The following CACNA2D4 variants were observed in gnomAD, a reference collection of about 807,000 sequenced individuals.
The protein encoded by CACNA2D4 is voltage-dependent calcium channel subunit alpha-2/delta-4.
CACNA2D4 carries 157 observed loss-of-function variants against 163.8 expected under a neutral mutation model. That is an observed-to-expected ratio of 0.96 (90% CI 0.84 to 1.09). CACNA2D4 has a LOEUF of 1.09. CACNA2D4 is among the 50% of genes least tolerant of loss of function. The pLI is 0.00. For missense variants in CACNA2D4, 1,410 were observed against 1,479.9 expected (o/e 0.95, Z 0.78); for synonymous variants, 598 against 586.9 (o/e 1.02, Z -0.27).
chr12:1,871,904 C>T (rs1865796538), intron 18 of CACNA2D4, among the ~76,000 whole-genome samples: 1 of 152,184 alleles, frequency 6.6e-6, no homozygotes, highest in Non-Finnish European at 1.5e-5. Flanking sequence ...TGATCAAAAA[C>T]GAGAATGACA....
rs557536876 is a variant in CACNA2D4 at position 1,875,651 on chromosome 12, T to C, written c.1720-314A>G. ...TAGAAAGTTCCTCCTCACACAAAGCTGAAATCCATCTCCCTGTTACTTCCA... is the reference window on the plus strand; with the variant it reads ...TAGAAAGTTCCTCCTCACACAAAGCCGAAATCCATCTCCCTGTTACTTCCA... On this transcript the variant is annotated intron_variant, in intron 16 of 37. Transcript: ENST00000382722. The surrounding 1 kb of genome is among the most constrained non-coding windows in gnomAD (Gnocchi z 4.0). 1.1e-4 allele frequency among the ~76,000 whole-genome samples: 16 copies of C among 152,292 alleles called. No homozygotes were observed. The highest frequency in any genetic ancestry group is 3.9e-4 in the African/African-American group (16 of 41,550).
At chr12:1,822,590 CTGTT>C (rs1864150314) in intron 26 of CACNA2D4, among the ~76,000 whole-genome samples, 1 of 152,158 alleles carries the variant, frequency 6.6e-6, no homozygotes, top group African/African-American at 2.4e-5. Flanking sequence ...CCCAGAGGGT[CTGTT>C]TGAGATTGAG....
rs117938259 is a variant in CACNA2D4, at chr12:1,799,207, G to T, written c.2995+468C>A. On this transcript the variant is annotated intron_variant, in intron 34 of 37. Coordinates refer to ENST00000382722, the MANE Select transcript of CACNA2D4 (RefSeq NM_172364.5). The surrounding 1 kb of genome is among the most constrained non-coding windows in gnomAD (Gnocchi z 4.7). ...CGTGTGGCCACAGCCACCGGGCTTT[G>T]TGTTGGGGCCTCTCATGGTTGCTGC... is the stretch of plus-strand genomic sequence containing the variant. Among the ~76,000 whole-genome samples, 352 of 152,326 alleles carry T rather than the reference G, an allele frequency of 2.3e-3. 7 individuals are homozygous for T. The East Asian group carries it at 0.052, about 23-fold the overall frequency.
At chr12:1,855,418 GC>G (rs1316642905) in intron 22 of CACNA2D4, among the ~76,000 whole-genome samples, 1 of 152,178 alleles carries the variant, frequency 6.6e-6, no homozygotes. Context: ...TGAGGATGTG[GC>G]CTAATGAGCT....
intron 18 of CACNA2D4, among the ~76,000 whole-genome samples, chr12:1,864,073 C>T (rs1034845263): frequency 6.6e-6 from 1 of 152,248 alleles, no homozygotes; most frequent in African/African-American, 2.4e-5. Context: ...AGTGCTTCCG[C>T]TCATCTTTAA....
chr12:1,800,363 G>T (rs1321643013), intron 32 of CACNA2D4, 23 bp downstream of exon 32: 8 of 1,613,018 alleles, frequency 5.0e-6, no homozygotes, highest in Admixed American at 3.3e-5. Flanking sequence ...CCCTCCACCA[G>T]CCCCGTGTCT....
rs1864473139 is a variant in CACNA2D4 at position 1,828,629 on chromosome 12, C to T, written c.2551+12110G>A. ...GCCCTTTTGCTCCCGTGGGGAACTG[C>T]CCCCTTGGCTGGCCTCGGCCAGGAG... On this transcript the variant is annotated intron_variant, in intron 26 of 37. Transcript: ENST00000382722. The surrounding 1 kb of genome is among the most constrained non-coding windows in gnomAD (Gnocchi z 4.2). Among the ~76,000 whole-genome samples, 1 of 152,200 alleles carries T rather than the reference C, an allele frequency of 6.6e-6. No homozygotes were observed. The highest frequency in any genetic ancestry group is 1.5e-5 in the Non-Finnish European group (1 of 68,040).
rs935303517 is a variant in CACNA2D4, at chr12:1,843,478, C to T, written c.2470+924G>A. On this transcript the variant is annotated intron_variant, in intron 25 of 37. Coordinates refer to ENST00000382722, the MANE Select transcript of CACNA2D4 (RefSeq NM_172364.5). This position sits in a 1 kb window ranked among gnomAD's most constrained non-coding sequence, Gnocchi z 4.6. Reference sequence around the variant, plus strand: ...CCCCTCCTGGGGCTCACCCCACCTGCCTGTGCACACTCTCCAGGCCCCTGG... The same window carrying T: ...CCCCTCCTGGGGCTCACCCCACCTGTCTGTGCACACTCTCCAGGCCCCTGG... Among the ~76,000 whole-genome samples the T allele has an allele frequency of 1.3e-5, 2 of 152,218 alleles. No homozygotes were observed. Among genetic ancestry groups the T allele is most frequent in the Admixed American group, 6.5e-5 (1 of 15,286 alleles).
intron 34 of CACNA2D4, 96 bp from the exon 35 acceptor site, chr12:1,797,631 A>AT: frequency 1.2e-6 from 1 of 868,980 alleles, no homozygotes; most frequent in South Asian, 1.4e-5. Flanking sequence ...ACCCCAGTGC[A>AT]TTTGCAGAGG....
intron 34 of CACNA2D4, 152 bp from the exon 35 acceptor site, chr12:1,797,687 C>CGGGGG: frequency 6.6e-6 from 3 of 457,796 alleles, no homozygotes; most frequent in Admixed American, 2.7e-5. Flanking sequence ...AGGAGCCGGG[C>CGGGGG]GGGGGGTGAG....
rs1865091541 is a variant in CACNA2D4, at chr12:1,844,199, C to T, written c.2470+203G>A. Among the ~76,000 whole-genome samples the T allele has an allele frequency of 6.6e-6, 1 of 152,148 alleles. No homozygotes were observed. ...ATCAAATGATCAGGCTCACCTTCAG[C>T]GTGGGACCTGTGGTGTGGGAAGGTG... is the stretch of plus-strand genomic sequence containing the variant. On this transcript the variant is annotated intron_variant, in intron 25 of 37. Transcript: ENST00000382722. The surrounding 1 kb of genome is among the most constrained non-coding windows in gnomAD (Gnocchi z 4.2).
chr12:1,910,120 G>A (rs938821343), intron 3 of CACNA2D4, among the ~76,000 whole-genome samples, 155 bp from the exon 4 acceptor site: 5 of 152,212 alleles, frequency 3.3e-5, no homozygotes, highest in African/African-American at 1.2e-4. Flanking sequence ...ACTTAGGAAC[G>A]AATATTCACA....
Position 1,875,166 on chromosome 12 carries a change from C to G in CACNA2D4, c.1806+85G>C. On this transcript the variant is annotated intron_variant, in intron 17 of 37. Transcript: ENST00000382722. This position sits in a 1 kb window ranked among gnomAD's most constrained non-coding sequence, Gnocchi z 4.0. ...TTCTGCCTGACAGGAACAGAGTGAC[C>G]TCAAAGCTCACAGCCACACAGCTGA... The G allele has an allele frequency of 1.0e-6, 1 of 967,448 alleles. No homozygotes were observed. The highest frequency in any genetic ancestry group is 1.7e-6 in the Non-Finnish European group (1 of 598,068). 59.9% of individuals were successfully genotyped at this position (967,448 alleles called of 1,614,324 possible). A position where few individuals can be genotyped will look rare whatever the true frequency, so the allele number is the denominator to read the frequency against.
chr12:1,891,402 C>G (rs1331876043), intron 6 of CACNA2D4, among the ~76,000 whole-genome samples: 2 of 152,158 alleles, frequency 1.3e-5, no homozygotes, highest in African/African-American at 2.4e-5. Context: ...TCCTACCCAA[C>G]CAACACCATA....
rs557231355 is a variant in CACNA2D4, at chr12:1,802,288, C to A, written c.2722-644G>T. Among the ~76,000 whole-genome samples the A allele has an allele frequency of 6.6e-6, 1 of 152,306 alleles. No homozygotes were observed. The highest frequency in any genetic ancestry group is 6.5e-5 in the Admixed American group (1 of 15,302). On this transcript the variant is annotated intron_variant, in intron 29 of 37. Transcript: ENST00000382722. The surrounding 1 kb of genome is among the most constrained non-coding windows in gnomAD (Gnocchi z 4.7). ...CTCCATTGCCCACCTGCCCTCCTAA[C>A]TGACCTCTCCTCTTGTCCCTGTGGC...
At chr12:1,795,150 G>A in intron 37 of CACNA2D4, 149 bp downstream of exon 37, 2 of 639,778 alleles carry the variant, frequency 3.1e-6, no homozygotes, top group Non-Finnish European at 5.5e-6. Flanking sequence ...GTGTCACAGG[G>A]CATAAACGCG....
rs34331462 is a variant in CACNA2D4 at position 1,819,001 on chromosome 12, T to TAAAAA, written c.2552-7283_2552-7279dup. On this transcript the variant is annotated intron_variant, in intron 26 of 37. Coordinates refer to ENST00000382722, the MANE Select transcript of CACNA2D4 (RefSeq NM_172364.5). ...AATGATCAATAAATACTAAAAAAAT[T>TAAAAA]AAAAAAAAAAAAAAAAGGAAAGGAG... Among the ~76,000 whole-genome samples the TAAAAA allele has an allele frequency of 8.1e-4, 103 of 127,580 alleles. 1 individual carries two copies. Among genetic ancestry groups the TAAAAA allele is most frequent in the African/African-American group, 3.1e-3 (100 of 32,130 alleles). The allele number at this position is 127,580 out of a possible 152,430, so 83.7% of individuals were successfully genotyped here.
intron 26 of CACNA2D4, chr12:1,830,969 G>A: frequency 2.5e-6 from 4 of 1,612,790 alleles, no homozygotes; most frequent in Non-Finnish European, 3.4e-6. Context: ...ATGCTGTGGA[G>A]GCCCTCCCCA....
In CACNA2D4 at chr12:1,879,784, C is replaced by T. The variant is rs920599030; in HGVS notation, c.1563+20G>A. On this transcript the variant is annotated intron_variant, in intron 14 of 37. Transcript: ENST00000382722. ...CAGGTTCTAATCCCTGCTACAACGTCTCCAGGAGCGGCCACTCACCGTTTC... is the reference window on the plus strand; with the variant it reads ...CAGGTTCTAATCCCTGCTACAACGTTTCCAGGAGCGGCCACTCACCGTTTC... 7.0e-6 allele frequency: 11 copies of T among 1,577,062 alleles called. No individual in the cohort carries two copies. Among genetic ancestry groups the T allele is most frequent in the African/African-American group, 1.3e-5 (1 of 74,142 alleles).
Sources: allele counts gnomAD v4.1 joint callset (sites outside exome capture counted in the v4.1 genomes callset), GRCh38; gene constraint gnomAD v4.1.1; non-coding constraint Gnocchi (gnomAD v3.1); transcripts MANE v1.5; gene names NCBI Gene and HGNC (gene_info 2026-07-23, HGNC 2026-07-21).